HEPH: variants seen among roughly 807,000 people sequenced by gnomAD.
HEPH encodes hephaestin.
Under a neutral mutation model 80.8 loss-of-function variants are expected in HEPH, and 69 were observed. The observed-to-expected ratio is 0.85, with a 90% CI of 0.70 to 1.04. The LOEUF is 1.04. Ranked by LOEUF, HEPH falls within the 50% of genes least tolerant of loss-of-function variation. HEPH has a pLI of 0.00. For synonymous variants in HEPH, 431 were observed against 322.8 expected, an observed-to-expected ratio of 1.34 and a Z score of -3.60; for missense variants, 1,115 against 891.3, an observed-to-expected ratio of 1.25 and a Z score of -3.20.
rs916160834 is a variant in HEPH, at chrX:66,164,277, G to A, written c.-207G>A. The A allele has an allele frequency of 4.0e-6, 3 of 750,835 alleles. No homozygotes were observed. Among genetic ancestry groups the A allele is most frequent in the African/African-American group, 2.3e-5 (1 of 42,979 alleles). The allele number at this position is 750,835 out of a possible 1,213,427, so 61.9% of individuals were successfully genotyped here. ...AGTAGTTTTGTTTCTGGAAAAGAGGGCACCCAGCCCTTCCCCCTCCCTCAT... is the reference window on the plus strand; with the variant it reads ...AGTAGTTTTGTTTCTGGAAAAGAGGACACCCAGCCCTTCCCCCTCCCTCAT... On this transcript the variant is annotated 5_prime_UTR_variant, in exon 1 of 21. Transcript: ENST00000343002.
In HEPH at chrX:66,208,111, T is replaced by C. The variant is rs764666117; in HGVS notation, c.2432-4T>C. The C allele has an allele frequency of 8.6e-7, 1 of 1,168,267 alleles. No individual in the cohort carries two copies. The highest frequency in any genetic ancestry group is 1.2e-6 in the Non-Finnish European group (1 of 864,864). The stretch of plus-strand genomic sequence containing the variant: ...ATTTATTTAATTATTTTTGTTTACA[T>C]TAGGTCCACTTATCAAAGGTGAAGT... On this transcript the variant is annotated splice_region_variant and splice_polypyrimidine_tract_variant and intron_variant, in intron 14 of 20. Transcript: ENST00000343002.
intron 9 of HEPH, 136 bp from the exon 10 acceptor site, chrX:66,197,547 C>T: frequency 2.0e-6 from 1 of 490,287 alleles, no homozygotes; most frequent in Non-Finnish European, 3.5e-6. Context: ...GAGTTCTCCT[C>T]ATTATTCAAT....
At chrX:66,247,024 C>G (rs978625104) in intron 15 of HEPH, among the ~76,000 whole-genome samples, 1 of 111,833 alleles carries the variant, frequency 8.9e-6, no homozygotes, top group African/African-American at 3.3e-5. Flanking sequence ...TCCATGGTCT[C>G]AGAGAAGAAA....
intron 15 of HEPH, among the ~76,000 whole-genome samples, chrX:66,229,067 G>C (rs977383617): frequency 8.9e-6 from 1 of 112,179 alleles, no homozygotes; most frequent in Non-Finnish European, 1.9e-5. Flanking sequence ...TACGAAAAAA[G>C]ATACTTGCAC....
intron 6 of HEPH, 35 bp from the exon 7 acceptor site, chrX:66,192,095 A>G: frequency 8.5e-7 from 1 of 1,177,088 alleles, no homozygotes; most frequent in African/African-American, 1.8e-5. Context: ...ATCCTATTGG[A>G]TAGAATGGGG....
chrX:66,252,162 T>C (rs1374319741), intron 15 of HEPH, among the ~76,000 whole-genome samples: 2 of 111,822 alleles, frequency 1.8e-5, no homozygotes, highest in Non-Finnish European at 3.8e-5. Flanking sequence ...GTGATAATAA[T>C]CAAAGATAAC....
chrX:66,255,822 G>A (rs1369043504), intron 16 of HEPH, among the ~76,000 whole-genome samples: 2 of 111,222 alleles, frequency 1.8e-5, no homozygotes, highest in African/African-American at 6.5e-5. Context: ...AGAGGAAACA[G>A]CACAAAAAAA....
chrX:66,197,642 T>G, intron 9 of HEPH, 41 bp from the exon 10 acceptor site: 1 of 1,083,413 alleles, frequency 9.2e-7, no homozygotes. Flanking sequence ...TGATTCTCAT[T>G]CTAGTCAATC....
upstream of HEPH, chrX:66,162,795 A>T (rs1487838790): frequency 1.7e-6 from 2 of 1,155,176 alleles, no homozygotes; most frequent in Non-Finnish European, 2.3e-6. Context: ...TGCTCCAGAC[A>T]CTTTAAATTC....
intron 4 of HEPH, among the ~76,000 whole-genome samples, chrX:66,188,034 T>A (rs946969188): frequency 9.0e-6 from 1 of 110,974 alleles, no homozygotes; most frequent in South Asian, 3.9e-4. Context: ...TTGCTGATAA[T>A]AGGATATGTC....
chrX:66,262,640 TAC>T (rs1467715044), intron 19 of HEPH, among the ~76,000 whole-genome samples: 2 of 111,736 alleles, frequency 1.8e-5, no homozygotes, highest in Non-Finnish European at 3.8e-5. Context: ...ACAGGGTAAT[TAC>T]AGTTACTGGA....
At chrX:66,234,383 C>T (rs1178385012) in intron 15 of HEPH, among the ~76,000 whole-genome samples, 1 of 111,188 alleles carries the variant, frequency 9.0e-6, no homozygotes, top group Non-Finnish European at 1.9e-5. Context: ...TGAACATATT[C>T]ATTCATGTCT....
At chrX:66,264,906 T>C (rs755707834) in intron 20 of HEPH, among the ~76,000 whole-genome samples, 1 of 107,425 alleles carries the variant, frequency 9.3e-6, no homozygotes, top group Non-Finnish European at 1.9e-5. Flanking sequence ...TGTGTGTATA[T>C]TTGTATATAT....
chrX:66,200,509 C>T (rs1231394663), intron 11 of HEPH, 31 bp from the exon 12 acceptor site: 5 of 1,130,530 alleles, frequency 4.4e-6, no homozygotes, highest in Non-Finnish European at 6.0e-6. Context: ...GGTCTCATCT[C>T]CCCACCTTGT....
At chrX:66,205,600 CTT>C (rs35954260) in intron 13 of HEPH, among the ~76,000 whole-genome samples, 2 of 99,007 alleles carry the variant, frequency 2.0e-5, no homozygotes, top group Admixed American at 1.1e-4. Context: ...ATTTTTCATG[CTT>C]TTTTTTTTTT....
intron 15 of HEPH, among the ~76,000 whole-genome samples, chrX:66,214,954 G>T (rs956590087): frequency 9.0e-6 from 1 of 110,983 alleles, no homozygotes; most frequent in South Asian, 3.7e-4. Flanking sequence ...GATTTACTTA[G>T]GTGTATGTTA....
At chrX:66,219,708 A>C (rs1486573872) in intron 15 of HEPH, among the ~76,000 whole-genome samples, 2 of 111,671 alleles carry the variant, frequency 1.8e-5, no homozygotes, top group African/African-American at 6.5e-5. Flanking sequence ...TTTTGTGGGA[A>C]GCACAGACAG....
At chrX:66,163,359 A>G (rs1394628761), upstream of HEPH, among the ~76,000 whole-genome samples, 1 of 110,511 alleles carries the variant, frequency 9.0e-6, no homozygotes, top group Admixed American at 9.6e-5. Context: ...TGTTGGGGGA[A>G]CATTTTGTTT....
At chrX:66,203,331 T>A in intron 12 of HEPH, 33 bp from the exon 13 acceptor site, 1 of 1,172,926 alleles carries the variant, frequency 8.5e-7, no homozygotes. Flanking sequence ...AGGGATGTTC[T>A]GAGTCAGATT....
Sources: allele counts gnomAD v4.1 joint callset (sites outside exome capture counted in the v4.1 genomes callset), GRCh38; gene constraint gnomAD v4.1.1; transcripts MANE v1.5; gene names NCBI Gene and HGNC (gene_info 2026-07-23, HGNC 2026-07-21).